Variants in ZNF827 observed in about 807,000 individuals in gnomAD.
ZNF827 encodes zinc finger protein 827.
In ZNF827, 13 loss-of-function variants were observed where a neutral mutation model predicts 102.4. The ratio of observed to expected loss-of-function variants is 0.13; its 90% CI spans 0.08 to 0.20. The LOEUF is 0.20. Ranked by LOEUF, ZNF827 falls within the 10% of genes least tolerant of loss-of-function variation. The pLI is 1.00. For synonymous variants in ZNF827, 523 were observed against 536.2 expected (o/e 0.98, Z 0.34); for missense variants, 1,103 against 1,344.4 (o/e 0.82, Z 2.81).
rs1405050044 is a variant in ZNF827, at chr4:145,762,811, T to C, written c.*17+279A>G. 6.6e-6 allele frequency among the ~76,000 whole-genome samples: 1 copy of C among 152,192 alleles called. No homozygotes were observed. On this transcript the variant is annotated intron_variant, in intron 14 of 14. Coordinates refer to ENST00000508784, the MANE Select transcript of ZNF827 (RefSeq NM_001306215.2). This position sits in a 1 kb window ranked among gnomAD's most constrained non-coding sequence, Gnocchi z 4.9. ...TGGCTTATATGAGAACTGTAGTGTG[T>C]TTGCTCTCTTTCCACAAAGAATGCA...
At chr4:145,934,962 T>C (rs536439683) in intron 1 of ZNF827, among the ~76,000 whole-genome samples, 2 of 152,324 alleles carry the variant, frequency 1.3e-5, no homozygotes, top group South Asian at 4.1e-4. Flanking sequence ...CTTAAAACAA[T>C]ATATTAACAG....
rs550519925 is a variant in ZNF827 at position 145,938,639 on chromosome 4, A to T, written c.-232T>A. 352 of 476,470 alleles carry T rather than the reference A, an allele frequency of 7.4e-4. No individual in the cohort carries two copies. Among genetic ancestry groups the T allele is most frequent in the East Asian group, 5.8e-3 (170 of 29,232 alleles). The allele number at this position is 476,470 out of a possible 1,614,324, so 29.5% of individuals were successfully genotyped here. ...CTTTTTTCCTTTTTTTTTTTTTTTT[A>T]AATTTTTGGTCGTGCACCTGGCTTG... On this transcript the variant is annotated 5_prime_UTR_variant, in exon 1 of 15. Coordinates refer to ENST00000508784, the MANE Select transcript of ZNF827 (RefSeq NM_001306215.2).
chr4:145,858,305 C>T (rs1747368294), intron 5 of ZNF827, among the ~76,000 whole-genome samples: 1 of 151,946 alleles, frequency 6.6e-6, no homozygotes, highest in African/African-American at 2.4e-5. Context: ...TAAAGTCAGC[C>T]TAGAAATCCC....
At chr4:145,842,826 A>G (rs1240558624) in intron 7 of ZNF827, among the ~76,000 whole-genome samples, 2 of 152,226 alleles carry the variant, frequency 1.3e-5, no homozygotes, top group East Asian at 3.8e-4. Flanking sequence ...GATTCCAATC[A>G]TGAACCGTCC....
At chr4:145,796,622 T>TC (rs1740407292) in intron 8 of ZNF827, among the ~76,000 whole-genome samples, 1 of 69,822 alleles carries the variant, frequency 1.4e-5, no homozygotes, top group African/African-American at 5.0e-5. Flanking sequence ...CATTTGTTCC[T>TC]CTTTTTTTTT....
rs761343875 is a variant in ZNF827, at chr4:145,765,202, G to A, written c.3053-37C>T. 9.7e-6 allele frequency: 15 copies of A among 1,550,902 alleles called. No homozygotes were observed. The highest frequency in any genetic ancestry group is 1.3e-5 in the Non-Finnish European group (15 of 1,146,130). On this transcript the variant is annotated intron_variant, in intron 12 of 14. Transcript: ENST00000508784. The surrounding 1 kb of genome is among the most constrained non-coding windows in gnomAD (Gnocchi z 4.7). ...GAAGCTGGGTATAGAGGTGCACAGG[G>A]CAGCGGGGAGAGGAGGGCAGGAGTG...
At chr4:145,841,153 C>T (rs976136800) in intron 7 of ZNF827, among the ~76,000 whole-genome samples, 5 of 152,148 alleles carry the variant, frequency 3.3e-5, no homozygotes, top group African/African-American at 7.2e-5. Flanking sequence ...AAAGAGAGAA[C>T]AAATAACCAA....
rs1439972370 is a variant in ZNF827, at chr4:145,892,453, C to A, written c.1094-38G>T. ...AGAAAGAAAGGACCATTAAGGAAAACAAAAAGGTACACTGCATCTGGCATT... is the reference window on the plus strand; with the variant it reads ...AGAAAGAAAGGACCATTAAGGAAAAAAAAAAGGTACACTGCATCTGGCATT... On this transcript the variant is annotated intron_variant, in intron 2 of 14. Transcript: ENST00000508784. The A allele has an allele frequency of 4.5e-6, 7 of 1,566,416 alleles. No individual in the cohort carries two copies. The Admixed American group carries it at 5.6e-5, about 13-fold the overall frequency.
intron 6 of ZNF827, among the ~76,000 whole-genome samples, chr4:145,847,964 A>G (rs1368852875): frequency 6.6e-6 from 1 of 152,168 alleles, no homozygotes; most frequent in Non-Finnish European, 1.5e-5. Context: ...GAGAGCAGGA[A>G]ATCGGGGCTA....
intron 5 of ZNF827, among the ~76,000 whole-genome samples, chr4:145,866,088 T>C (rs1282312899): frequency 1.3e-5 from 2 of 152,158 alleles, no homozygotes; most frequent in East Asian, 3.9e-4. Flanking sequence ...CTGGGTTCCA[T>C]ATGGGCCTCC....
chr4:145,892,170 C>T, intron 3 of ZNF827, 73 bp downstream of exon 3: 2 of 1,468,614 alleles, frequency 1.4e-6, no homozygotes. Context: ...CAAGAAGCCT[C>T]CTGCACCAGA....
intron 8 of ZNF827, among the ~76,000 whole-genome samples, chr4:145,822,221 C>G (rs935256033): frequency 1.3e-5 from 2 of 152,160 alleles, no homozygotes; most frequent in African/African-American, 4.8e-5. Context: ...AAAAGCCCTG[C>G]CTGCAAAGCT....
intron 11 of ZNF827, among the ~76,000 whole-genome samples, chr4:145,771,757 A>G (rs1428985867): frequency 6.6e-6 from 1 of 152,234 alleles, no homozygotes; most frequent in Non-Finnish European, 1.5e-5. Flanking sequence ...AGGAGACTAA[A>G]CAAAATGCGT....
chr4:145,777,210 T>C (rs6835987), intron 9 of ZNF827, among the ~76,000 whole-genome samples: 146,073 of 152,328 alleles, frequency 0.96, 70,105 homozygotes, highest in African/African-American at 0.99. Flanking sequence ...GGAGCCCCAC[T>C]GTCCAGATAA....
chr4:145,884,142 C>T (rs1372914034), intron 4 of ZNF827, among the ~76,000 whole-genome samples: 2 of 152,196 alleles, frequency 1.3e-5, no homozygotes, highest in Non-Finnish European at 2.9e-5. Flanking sequence ...GGCCCCCTCA[C>T]TCTCATTGCC....
chr4:145,908,813 T>C (rs1299164993), intron 1 of ZNF827, among the ~76,000 whole-genome samples: 1 of 152,178 alleles, frequency 6.6e-6, no homozygotes, highest in African/African-American at 2.4e-5. Context: ...TTCACAAGCA[T>C]TCAAAGCATA....
At chr4:145,837,569 C>T (rs1359428428) in intron 7 of ZNF827, among the ~76,000 whole-genome samples, 2 of 152,168 alleles carry the variant, frequency 1.3e-5, no homozygotes, top group African/African-American at 4.8e-5. Flanking sequence ...CTTGTTTACA[C>T]TGCCGGTTTA....
At chr4:145,926,109 A>C (rs953949598) in intron 1 of ZNF827, among the ~76,000 whole-genome samples, 1 of 152,330 alleles carries the variant, frequency 6.6e-6, no homozygotes, top group South Asian at 2.1e-4. Flanking sequence ...AGCAGGGACC[A>C]TGCTCTATTC....
At chr4:145,861,523 C>T (rs1266584339) in intron 5 of ZNF827, among the ~76,000 whole-genome samples, 1 of 152,176 alleles carries the variant, frequency 6.6e-6, no homozygotes, top group African/African-American at 2.4e-5. Flanking sequence ...TACCAGCGGC[C>T]TCTCCGTTTG....
Sources: allele counts gnomAD v4.1 joint callset (sites outside exome capture counted in the v4.1 genomes callset), GRCh38; gene constraint gnomAD v4.1.1; non-coding constraint Gnocchi (gnomAD v3.1); transcripts MANE v1.5; gene names NCBI Gene and HGNC (gene_info 2026-07-23, HGNC 2026-07-21).